The following GALNT13 variants were observed in gnomAD, a reference collection of about 807,000 sequenced individuals.
GALNT13 encodes UDP-GalNAc:polypeptide N-acetylgalactosaminyltransferase 13.
Under a neutral mutation model 64.2 loss-of-function variants are expected in GALNT13, and 28 were observed. That is an observed-to-expected ratio of 0.44 (90% CI 0.32 to 0.60). The LOEUF is 0.60. Ranked by LOEUF, GALNT13 falls within the 20% of genes least tolerant of loss-of-function variation. The pLI is 0.05. For missense variants in GALNT13, 577 were observed against 669.8 expected (o/e 0.86, Z 1.53); for synonymous variants, 214 against 224.6 (o/e 0.95, Z 0.42).
the GALNT13 span, among the ~76,000 whole-genome samples, chr2:153,407,947 A>C: frequency 6.6e-6 from 1 of 152,168 alleles, no homozygotes; most frequent in African/African-American, 2.4e-5. Flanking sequence ...CTAGCAGTAG[A>C]GCTGGTGTCA....
the GALNT13 span, among the ~76,000 whole-genome samples, chr2:153,836,560 A>G: frequency 6.6e-6 from 1 of 151,360 alleles, no homozygotes; most frequent in Non-Finnish European, 1.5e-5. Context: ...CACAATGTGC[A>G]GGTTAGTTAC....
intron 3 of GALNT13, among the ~76,000 whole-genome samples, chr2:154,044,343 C>T (rs548240050): frequency 2.6e-5 from 4 of 152,198 alleles, no homozygotes; most frequent in Non-Finnish European, 2.9e-5. Flanking sequence ...AAAGATACCT[C>T]GTCAATTATC....
intron 2 of GALNT13, among the ~76,000 whole-genome samples, chr2:153,923,818 G>A (rs528147848): frequency 3.3e-4 from 50 of 150,452 alleles, no homozygotes; most frequent in Non-Finnish European, 5.2e-4. Flanking sequence ...GTGATAGTTT[G>A]CTGAGAATGA....
the GALNT13 span, among the ~76,000 whole-genome samples, chr2:153,639,137 G>A: frequency 2.0e-5 from 3 of 151,960 alleles, no homozygotes; most frequent in Non-Finnish European, 4.4e-5. Flanking sequence ...AAATACAAGA[G>A]GGTGATTGCA....
chr2:153,072,503 T>C, the GALNT13 span, among the ~76,000 whole-genome samples: 1 of 152,240 alleles, frequency 6.6e-6, no homozygotes, highest in East Asian at 1.9e-4. Flanking sequence ...AACTGAGTTA[T>C]AGGGAAGCGG....
rs146358896 is a variant in GALNT13 at position 154,210,924 on chromosome 2, G to A, written c.312-31106G>A. Among the ~76,000 whole-genome samples, 1,139 of 152,242 alleles carry A rather than the reference G, an allele frequency of 7.5e-3. 12 individuals are homozygous for A. Among genetic ancestry groups the A allele is most frequent in the Non-Finnish European group, 9.6e-3 (650 of 68,020 alleles). ...GTTAGAAATGACTCTTAGGTGTCTA[G>A]CTTAAATAATTTAATGAATGTATGT... On this transcript the variant is annotated intron_variant, in intron 4 of 12. Coordinates refer to ENST00000392825, the MANE Select transcript of GALNT13 (RefSeq NM_052917.4).
chr2:153,088,521 T>A, the GALNT13 span, among the ~76,000 whole-genome samples: 1 of 152,160 alleles, frequency 6.6e-6, no homozygotes, highest in African/African-American at 2.4e-5. Flanking sequence ...TTCTTTGACT[T>A]TCTGTCTTGA....
the GALNT13 span, among the ~76,000 whole-genome samples, chr2:153,398,534 C>G: frequency 6.6e-6 from 1 of 151,910 alleles, no homozygotes; most frequent in African/African-American, 2.4e-5. Flanking sequence ...TTTACAGTTC[C>G]ACCAACAGTG....
the GALNT13 span, among the ~76,000 whole-genome samples, chr2:153,423,977 T>C: frequency 6.6e-6 from 1 of 151,312 alleles, no homozygotes; most frequent in Non-Finnish European, 1.5e-5. Context: ...AAAATGATAA[T>C]GGTCTAGTCA....
chr2:153,459,750 C>T, the GALNT13 span, among the ~76,000 whole-genome samples: 1 of 152,156 alleles, frequency 6.6e-6, no homozygotes, highest in Non-Finnish European at 1.5e-5. Context: ...CTAATGCCCT[C>T]ATGGTATTTA....
the GALNT13 span, among the ~76,000 whole-genome samples, chr2:153,086,337 G>T: frequency 6.6e-6 from 1 of 152,138 alleles, no homozygotes; most frequent in African/African-American, 2.4e-5. Flanking sequence ...TTTGGGAGGG[G>T]CCAGGGATGA....
chr2:153,611,045 A>G, the GALNT13 span, among the ~76,000 whole-genome samples: 1 of 152,208 alleles, frequency 6.6e-6, no homozygotes, highest in Non-Finnish European at 1.5e-5. Flanking sequence ...AGTCATGATA[A>G]AGATCACATT....
the GALNT13 span, among the ~76,000 whole-genome samples, chr2:153,192,864 G>C: frequency 6.6e-6 from 1 of 151,842 alleles, no homozygotes; most frequent in Admixed American, 6.6e-5. Context: ...TCCATCTTCT[G>C]TGTATAGTCT....
the GALNT13 span, among the ~76,000 whole-genome samples, chr2:153,239,400 T>A: frequency 6.6e-6 from 1 of 152,234 alleles, no homozygotes; most frequent in East Asian, 1.9e-4. Context: ...AACTGAGCAT[T>A]GTTTTCTTAT....
chr2:154,361,863 C>T lies in GALNT13; in HGVS notation c.1157-34128C>T, dbSNP rs1278082245. ...ATGCTTGAATTTTAGTTTTGGCTTT[C>T]CTAAGACTTCTTAGTTTAGCTTCTG... is the stretch of plus-strand genomic sequence containing the variant. On this transcript the variant is annotated intron_variant, in intron 9 of 12. Transcript: ENST00000392825. 2.6e-5 allele frequency among the ~76,000 whole-genome samples: 4 copies of T among 151,956 alleles called. No individual in the cohort carries two copies. In the East Asian group the frequency reaches 7.8e-4, roughly 30 times the overall value.
chr2:153,546,074 C>T, the GALNT13 span, among the ~76,000 whole-genome samples: 1 of 152,172 alleles, frequency 6.6e-6, no homozygotes, highest in Non-Finnish European at 1.5e-5. Context: ...ATGTTTTTCT[C>T]TTCTGGCCAG....
the GALNT13 span, among the ~76,000 whole-genome samples, chr2:153,627,294 AT>A: frequency 6.6e-6 from 1 of 152,094 alleles, no homozygotes; most frequent in Non-Finnish European, 1.5e-5. Context: ...AATATTAAAA[AT>A]TTCTGGTATT....
intron 3 of GALNT13, among the ~76,000 whole-genome samples, chr2:154,021,857 T>C (rs1229992880): frequency 6.6e-6 from 1 of 150,534 alleles, no homozygotes. Flanking sequence ...ATAGCTCTTA[T>C]TATTTTGAGA....
At chr2:154,148,136 T>C (rs1047611848) in intron 4 of GALNT13, among the ~76,000 whole-genome samples, 21 of 152,066 alleles carry the variant, frequency 1.4e-4, no homozygotes, top group Non-Finnish European at 2.5e-4. Context: ...CCATGTGTTC[T>C]CATTGTTCAG....
Sources: gnomAD v4.1 joint callset for allele counts (sites outside exome capture counted in the v4.1 genomes callset) on GRCh38, gnomAD v4.1.1 for gene constraint, MANE v1.5 for transcripts, NCBI Gene and HGNC (gene_info 2026-07-23, HGNC 2026-07-21) for gene names.